ZNF277: variants seen among roughly 807,000 people sequenced by gnomAD.
ZNF277 encodes the protein zinc finger protein 277.
In ZNF277, 55 loss-of-function variants were observed where a neutral mutation model predicts 60.7. The observed-to-expected ratio is 0.91, with a 90% confidence interval of 0.73 to 1.13. ZNF277 has a LOEUF of 1.13. Ranked by LOEUF, ZNF277 falls within the 50% of genes most tolerant of loss-of-function variation. The pLI is 0.00. For missense variants in ZNF277, 510 were observed against 523.0 expected, an observed-to-expected ratio of 0.98 and a Z score of 0.24; for synonymous variants, 178 against 179.3, an observed-to-expected ratio of 0.99 and a Z score of 0.06.
intron 7 of ZNF277, among the ~76,000 whole-genome samples, chr7:112,335,485 G>A (rs1422595319): frequency 6.6e-6 from 1 of 152,018 alleles, no homozygotes; most frequent in Non-Finnish European, 1.5e-5. Flanking sequence ...CAAAAGAGTG[G>A]AACTTTTCCA....
At chr7:112,284,907 A>G (rs1007805891) in intron 1 of ZNF277, among the ~76,000 whole-genome samples, 1 of 152,218 alleles carries the variant, frequency 6.6e-6, no homozygotes, top group African/African-American at 2.4e-5. Context: ...ACCTTCAAAC[A>G]GACTGTGAGC....
intron 1 of ZNF277, among the ~76,000 whole-genome samples, chr7:112,239,325 G>A (rs1265908620): frequency 6.6e-6 from 1 of 152,190 alleles, no homozygotes; most frequent in East Asian, 1.9e-4. Context: ...CCCTCGCCCT[G>A]AAGGGAAGGA....
At chr7:112,272,718 T>A (rs767435928) in intron 1 of ZNF277, among the ~76,000 whole-genome samples, 1 of 152,156 alleles carries the variant, frequency 6.6e-6, no homozygotes, top group Non-Finnish European at 1.5e-5. Context: ...GGTCTCAAAC[T>A]CCTGACCTCA....
intron 4 of ZNF277, among the ~76,000 whole-genome samples, chr7:112,309,919 A>G (rs1338481266): frequency 6.6e-6 from 1 of 152,070 alleles, no homozygotes; most frequent in Non-Finnish European, 1.5e-5. Flanking sequence ...AGAGAGACGC[A>G]TAGGATGAGA....
chr7:112,250,617 G>C (rs1178124832), intron 1 of ZNF277, among the ~76,000 whole-genome samples: 1 of 152,070 alleles, frequency 6.6e-6, no homozygotes, highest in African/African-American at 2.4e-5. Flanking sequence ...TCTCAAGCTG[G>C]CCAACGCTTC....
chr7:112,208,387 A>T (rs1223075255), intron 1 of ZNF277, among the ~76,000 whole-genome samples: 2 of 152,218 alleles, frequency 1.3e-5, no homozygotes, highest in East Asian at 3.9e-4. Flanking sequence ...AACAAAACAA[A>T]AAAAAAGGAT....
At chr7:112,294,025 T>A (rs1457073536) in intron 2 of ZNF277, among the ~76,000 whole-genome samples, 2 of 152,258 alleles carry the variant, frequency 1.3e-5, no homozygotes, top group African/African-American at 4.8e-5. Flanking sequence ...AGAGGAATAA[T>A]CCATCTTCTG....
chr7:112,224,400 A>G (rs1222941420), intron 1 of ZNF277, among the ~76,000 whole-genome samples: 2 of 152,220 alleles, frequency 1.3e-5, no homozygotes, highest in Non-Finnish European at 2.9e-5. Context: ...CGGGCCAGGG[A>G]TTGGATAAGC....
At chr7:112,323,781 A>C (rs1793038810) in intron 5 of ZNF277, among the ~76,000 whole-genome samples, 1 of 152,204 alleles carries the variant, frequency 6.6e-6, no homozygotes, top group South Asian at 2.1e-4. Flanking sequence ...TCAGAGGTCC[A>C]TGCCCCACTG....
intron 4 of ZNF277, among the ~76,000 whole-genome samples, chr7:112,304,144 CATAAA>C (rs768974842): frequency 6.6e-6 from 1 of 152,098 alleles, no homozygotes; most frequent in Non-Finnish European, 1.5e-5. Context: ...TATCATCTCT[CATAAA>C]ATGCTGAGAA....
chr7:112,273,665 G>A (rs947775857), intron 1 of ZNF277, among the ~76,000 whole-genome samples: 1 of 152,126 alleles, frequency 6.6e-6, no homozygotes, highest in Non-Finnish European at 1.5e-5. Flanking sequence ...AGTTGTGTTA[G>A]GTGTGTCTGT....
intron 1 of ZNF277, among the ~76,000 whole-genome samples, chr7:112,221,052 AGACCCGCCGCT>A (rs967308672): frequency 2.0e-4 from 30 of 152,042 alleles, no homozygotes; most frequent in Admixed American, 3.3e-4. Context: ...CCACCATCGC[AGACCCGCCGCT>A]GACCCGCCGC....
chr7:112,320,917 C>CTTTTTTTTTTTTTT (rs1230552751), intron 5 of ZNF277, among the ~76,000 whole-genome samples: 9 of 98,356 alleles, frequency 9.2e-5, no homozygotes, highest in South Asian at 3.9e-4. Flanking sequence ...TTGTTTCTTT[C>CTTTTTTTTTTTTTT]TTTTTTTTTT....
chr7:112,275,481 T>C lies in ZNF277; in HGVS notation c.92-11392T>C, dbSNP rs1415160801. The stretch of plus-strand genomic sequence containing the variant: ...TTTCCTTTTAGATTCTAAATCTCAC[T>C]GGCATTAAACAGTAGAGTTATAGAA... On this transcript the variant is annotated intron_variant, in intron 1 of 11. Transcript: ENST00000361822. Among the ~76,000 whole-genome samples the C allele has an allele frequency of 2.0e-5, 3 of 152,224 alleles. No homozygotes were observed. The East Asian group carries it at 5.8e-4, about 29-fold the overall frequency.
intron 1 of ZNF277, among the ~76,000 whole-genome samples, chr7:112,240,676 G>A (rs973085846): frequency 2.0e-5 from 3 of 152,156 alleles, no homozygotes; most frequent in South Asian, 2.1e-4. Context: ...GAATGGAACA[G>A]AATAGAGAAT....
intron 1 of ZNF277, among the ~76,000 whole-genome samples, chr7:112,222,723 G>A (rs1322439383): frequency 6.6e-6 from 1 of 152,186 alleles, no homozygotes; most frequent in Non-Finnish European, 1.5e-5. Context: ...GAATAGGCAT[G>A]TGTGATGGTT....
intron 1 of ZNF277, among the ~76,000 whole-genome samples, chr7:112,219,037 C>T (rs1166054378): frequency 1.3e-5 from 2 of 152,162 alleles, no homozygotes; most frequent in Non-Finnish European, 2.9e-5. Flanking sequence ...TTTGAGGAAC[C>T]TCCATGCTGT....
At chr7:112,315,478 G>T (rs1792823867) in intron 4 of ZNF277, among the ~76,000 whole-genome samples, 2 of 151,730 alleles carry the variant, frequency 1.3e-5, no homozygotes, top group African/African-American at 4.8e-5. Flanking sequence ...AAAAGAGAGA[G>T]AATAAAATTA....
chr7:112,314,379 T>C (rs1040123730), intron 4 of ZNF277, among the ~76,000 whole-genome samples: 4 of 152,112 alleles, frequency 2.6e-5, no homozygotes, highest in East Asian at 1.9e-4. Context: ...TCAGAAATCA[T>C]AGTAGGTAGT....
Sources: allele counts gnomAD v4.1 joint callset (sites outside exome capture counted in the v4.1 genomes callset), GRCh38; gene constraint gnomAD v4.1.1; transcripts MANE v1.5; gene names NCBI Gene and HGNC (gene_info 2026-07-23, HGNC 2026-07-21).